Variants in NPAS2 observed in about 807,000 individuals in gnomAD.
NPAS2 encodes the protein neuronal PAS domain protein 2, also known as neuronal PAS domain-containing protein 2.
Under a neutral mutation model 107.5 loss-of-function variants are expected in NPAS2, and 23 were observed. The observed-to-expected ratio is 0.21, with a 90% CI of 0.15 to 0.30. NPAS2 has a LOEUF of 0.30. Ranked by LOEUF, NPAS2 falls within the 10% of genes least tolerant of loss-of-function variation. The pLI is 1.00. For missense variants in NPAS2, 756 were observed against 1,043.3 expected, an observed-to-expected ratio of 0.72 and a Z score of 3.79; for synonymous variants, 403 against 417.5, an observed-to-expected ratio of 0.97 and a Z score of 0.42.
At chr2:100,992,125 G>A (rs1678170217) in intron 19 of NPAS2, among the ~76,000 whole-genome samples, 1 of 152,214 alleles carries the variant, frequency 6.6e-6, no homozygotes, top group African/African-American at 2.4e-5. Context: ...CCAAATAAGT[G>A]GAAATAGGCT....
In NPAS2 at chr2:100,993,528, G is replaced by A; in HGVS notation, c.2292+1G>A. The stretch of plus-strand genomic sequence containing the variant: ...GCAGCCACCGCAGCACTACCTGCAG[G>A]TGGGTGCCACGGCCCAGGGGGCCCC... On this transcript the variant is annotated splice_donor_variant, in intron 20 of 20. Coordinates refer to ENST00000335681, the MANE Select transcript of NPAS2 (RefSeq NM_002518.4). LOFTEE classifies it high-confidence loss of function. The A allele has an allele frequency of 1.3e-6, 2 of 1,546,954 alleles. No individual in the cohort carries two copies. Among genetic ancestry groups the A allele is most frequent in the Non-Finnish European group, 1.7e-6 (2 of 1,143,402 alleles).
intron 7 of NPAS2, among the ~76,000 whole-genome samples, chr2:100,963,479 C>G (rs1446574): frequency 6.6e-6 from 1 of 151,930 alleles, no homozygotes; most frequent in East Asian, 1.9e-4. Context: ...TAACTTGGCT[C>G]ATTGCAACCT....
chr2:100,990,556 G>C (rs1678051595), intron 18 of NPAS2, 110 bp downstream of exon 18: 2 of 1,238,566 alleles, frequency 1.6e-6, no homozygotes, highest in African/African-American at 3.0e-5. Flanking sequence ...ATTCTAAAGT[G>C]TCCACAGTTG....
intron 16 of NPAS2, chr2:100,983,933 T>A (rs947095169): frequency 6.6e-6 from 1 of 152,256 alleles, no homozygotes; most frequent in Admixed American, 6.5e-5. Context: ...GGTAGGCGTA[T>A]GAACATCCCC....
Position 100,898,224 on chromosome 2 carries a change from GC to G in NPAS2, c.-22-6508del, listed in dbSNP as rs147612344. ...CCACAGGTATGCACCACCATGACAA[GC>G]TAATTTTTACTTTTTTGTAGAGACG... is the stretch of plus-strand genomic sequence containing the variant. On this transcript the variant is annotated intron_variant, in intron 1 of 20. Transcript: ENST00000335681. Among the ~76,000 whole-genome samples the G allele has an allele frequency of 4.5e-4, 69 of 152,184 alleles. 1 individual carries two copies. The East Asian group carries it at 9.7e-3, about 21-fold the overall frequency.
At chr2:100,893,872 T>TA (rs1403514364) in intron 1 of NPAS2, among the ~76,000 whole-genome samples, 1 of 152,210 alleles carries the variant, frequency 6.6e-6, no homozygotes, top group Non-Finnish European at 1.5e-5. Context: ...CTAAAATAGT[T>TA]ACCAGGTGGC....
At chr2:100,937,035 A>G (rs1392847959) in intron 4 of NPAS2, among the ~76,000 whole-genome samples, 1 of 151,852 alleles carries the variant, frequency 6.6e-6, no homozygotes. Context: ...ATGAGAAAGC[A>G]TTGCCCACCT....
intron 1 of NPAS2, chr2:100,821,286 G>A: frequency 8.9e-7 from 1 of 1,122,788 alleles, no homozygotes; most frequent in Non-Finnish European, 1.2e-6. Flanking sequence ...TTGAATATAC[G>A]CACGCACTTC....
chr2:100,878,350 A>T, intron 1 of NPAS2: 1 of 985,424 alleles, frequency 1.0e-6, no homozygotes, highest in Non-Finnish European at 1.2e-6. Flanking sequence ...GGAGACTGTC[A>T]CCCACAACGG....
At chr2:100,825,745 T>C (rs1407354094) in intron 1 of NPAS2, among the ~76,000 whole-genome samples, 3 of 152,134 alleles carry the variant, frequency 2.0e-5, no homozygotes, top group African/African-American at 7.2e-5. Flanking sequence ...TGGGAAAGTT[T>C]CCCTGCTCTC....
intron 10 of NPAS2, among the ~76,000 whole-genome samples, chr2:100,967,030 T>G (rs1468141866): frequency 1.3e-5 from 2 of 152,054 alleles, no homozygotes; most frequent in Non-Finnish European, 2.9e-5. Flanking sequence ...CCACACTGCA[T>G]AGGCATCACG....
At chr2:100,856,628 T>C (rs1219099656) in intron 1 of NPAS2, among the ~76,000 whole-genome samples, 2 of 147,072 alleles carry the variant, frequency 1.4e-5, no homozygotes, top group East Asian at 2.1e-4. Flanking sequence ...ATTCAAGCCA[T>C]GCGGCACACT....
At chr2:100,873,297 TATATATATATACACAC>T (rs1372902722) in intron 1 of NPAS2, among the ~76,000 whole-genome samples, 84 of 42,614 alleles carry the variant, frequency 2.0e-3, no homozygotes, top group African/African-American at 5.7e-3. Flanking sequence ...TATATATATA[TATATATATATACACAC>T]ACACACACAC....
chr2:100,974,675 T>A, intron 12 of NPAS2, 128 bp from the exon 13 acceptor site: 1 of 1,023,352 alleles, frequency 9.8e-7, no homozygotes, highest in South Asian at 1.6e-5. Flanking sequence ...TTTGGAATCG[T>A]CCCCAAACAA....
Position 100,949,560 on chromosome 2 carries a change from GGGA to G in NPAS2, c.598+89_598+91del, listed in dbSNP as rs1346330308. On this transcript the variant is annotated intron_variant, in intron 7 of 20. Transcript: ENST00000335681. ...ACATGGGGGCATTAAGAATCGCCCA[GGGA>G]GGAGGAGGGAGAACGCGTGCTTTTC... The G allele has an allele frequency of 5.1e-6, 4 of 790,094 alleles. No homozygotes were observed. The East Asian group carries it at 7.7e-5, about 15-fold the overall frequency. 48.9% of individuals were successfully genotyped at this position (790,094 alleles called of 1,614,324 possible). A position where few individuals can be genotyped will look rare whatever the true frequency, so the allele number is the denominator to read the frequency against.
intron 2 of NPAS2, among the ~76,000 whole-genome samples, chr2:100,924,300 CCAAGT>C (rs1361644868): frequency 6.6e-6 from 1 of 152,172 alleles, no homozygotes; most frequent in Non-Finnish European, 1.5e-5. Flanking sequence ...TGTACATTCT[CCAAGT>C]CTAGACAAAT....
intron 1 of NPAS2, among the ~76,000 whole-genome samples, chr2:100,847,513 G>T (rs1248666695): frequency 6.6e-6 from 1 of 152,086 alleles, no homozygotes; most frequent in Non-Finnish European, 1.5e-5. Context: ...GGGACTATAG[G>T]CACCCACCAC....
At chr2:100,860,787 A>G (rs1404967193) in intron 1 of NPAS2, among the ~76,000 whole-genome samples, 1 of 152,000 alleles carries the variant, frequency 6.6e-6, no homozygotes, top group Admixed American at 6.5e-5. Context: ...TGTCCGCATC[A>G]TTCTTTGAGC....
chr2:100,836,883 G>T (rs572701061), intron 1 of NPAS2, among the ~76,000 whole-genome samples: 50 of 152,306 alleles, frequency 3.3e-4, no homozygotes, highest in African/African-American at 1.1e-3. Flanking sequence ...ACTTTGAAAA[G>T]AACATGAGAT....
Sources: gnomAD v4.1 joint callset for allele counts (sites outside exome capture counted in the v4.1 genomes callset) on GRCh38, gnomAD v4.1.1 for gene constraint, MANE v1.5 for transcripts, NCBI Gene and HGNC (gene_info 2026-07-23, HGNC 2026-07-21) for gene names.